AGAP1: variants seen among roughly 807,000 people sequenced by gnomAD.
AGAP1 encodes arf-GAP with GTPase, ANK repeat and PH domain-containing protein 1.
AGAP1 carries 29 observed loss-of-function variants against 105.3 expected under a neutral mutation model. That is an observed-to-expected ratio of 0.28 (90% CI 0.21 to 0.38). AGAP1 has a LOEUF of 0.38. Among genes scored for constraint, AGAP1 ranks in the 10% least tolerant of loss-of-function variants. AGAP1 has a pLI of 1.00. For missense variants in AGAP1, 998 were observed against 1,165.1 expected (o/e 0.86, Z 2.09); for synonymous variants, 509 against 485.9 (o/e 1.05, Z -0.63).
chr2:235,703,436 G>A (rs1198085702), intron 1 of AGAP1, among the ~76,000 whole-genome samples: 1 of 151,736 alleles, frequency 6.6e-6, no homozygotes, highest in African/African-American at 2.4e-5. Flanking sequence ...AAAGGTAATA[G>A]GAGAGCTTCC....
At chr2:235,759,230 G>A (rs1198188075) in intron 6 of AGAP1, among the ~76,000 whole-genome samples, 1 of 141,256 alleles carries the variant, frequency 7.1e-6, no homozygotes, top group Non-Finnish European at 1.5e-5. Context: ...CTGCAGTGGT[G>A]TGATCTCAGC....
intron 3 of AGAP1, among the ~76,000 whole-genome samples, chr2:235,722,255 T>C (rs1358037093): frequency 6.6e-6 from 1 of 152,102 alleles, no homozygotes; most frequent in East Asian, 1.9e-4. Context: ...AAAACAGAAA[T>C]GTATTCTCAC....
intron 13 of AGAP1, among the ~76,000 whole-genome samples, chr2:236,031,773 C>T (rs2057231557): frequency 6.6e-6 from 1 of 152,084 alleles, no homozygotes; most frequent in Non-Finnish European, 1.5e-5. Context: ...GGTGTCATCC[C>T]TCTTCCATCA....
rs1010611744 is a variant in AGAP1, at chr2:236,131,670, G to C, written c.*7548G>C. ...GCCAGTTTGTATTTTCCTGCCTTGG[G>C]ATTTTTTTGTGTCCGCTGTACAGTA... On this transcript the variant is annotated 3_prime_UTR_variant, in exon 18 of 18. Transcript: ENST00000304032. The surrounding 1 kb of genome is among the most constrained non-coding windows in gnomAD (Gnocchi z 5.9). 9 of 151,928 alleles carry C rather than the reference G, an allele frequency of 5.9e-5. No individual in the cohort carries two copies. The highest frequency in any genetic ancestry group is 1.9e-4 in the African/African-American group (8 of 41,348). 9.4% of individuals were successfully genotyped at this position (151,928 alleles called of 1,614,324 possible).
chr2:235,710,236 G>A (rs1394849964), intron 2 of AGAP1, among the ~76,000 whole-genome samples: 1 of 152,204 alleles, frequency 6.6e-6, no homozygotes, highest in Non-Finnish European at 1.5e-5. Flanking sequence ...CAAGGGCCAG[G>A]AGACAGGATC....
At chr2:235,950,066 G>A (rs1575859679) in intron 12 of AGAP1, among the ~76,000 whole-genome samples, 1 of 152,190 alleles carries the variant, frequency 6.6e-6, no homozygotes, top group South Asian at 2.1e-4. Flanking sequence ...GGCACAGAGA[G>A]TGAGGTGTTT....
chr2:236,131,431 AATAGCAGTGT>A lies in AGAP1; in HGVS notation c.*7314_*7323del. On this transcript the variant is annotated 3_prime_UTR_variant, in exon 18 of 18. Coordinates refer to ENST00000304032, the MANE Select transcript of AGAP1 (RefSeq NM_001037131.3). This position sits in a 1 kb window ranked among gnomAD's most constrained non-coding sequence, Gnocchi z 5.9. ...TTGCAGCCAGTTTTCTGTTTCTGTA[AATAGCAGTGT>A]ATAGAGATGGAAGGGCAGCGTGGGT... The A allele has an allele frequency of 6.6e-6, 1 of 152,258 alleles. No individual in the cohort carries two copies. Among genetic ancestry groups the A allele is most frequent in the Admixed American group, 6.5e-5 (1 of 15,302 alleles). The allele number at this position is 152,258 out of a possible 1,614,324, so 9.4% of individuals were successfully genotyped here.
Position 235,566,161 on chromosome 2 carries a change from G to A in AGAP1, c.163+71312G>A, listed in dbSNP as rs937003352. 6.6e-6 allele frequency among the ~76,000 whole-genome samples: 1 copy of A among 150,654 alleles called. No individual in the cohort carries two copies. Among genetic ancestry groups the A allele is most frequent in the South Asian group, 2.1e-4 (1 of 4,700 alleles). On this transcript the variant is annotated intron_variant, in intron 1 of 17. Coordinates refer to ENST00000304032, the MANE Select transcript of AGAP1 (RefSeq NM_001037131.3). The surrounding 1 kb of genome is among the most constrained non-coding windows in gnomAD (Gnocchi z 5.2). Reference sequence around the variant, plus strand: ...GGCTAGAGTGCAGTGGCGCAACCTCGGCTCACTGCAACCTCTGCCTCCCGG... The same window carrying A: ...GGCTAGAGTGCAGTGGCGCAACCTCAGCTCACTGCAACCTCTGCCTCCCGG...
At chr2:235,771,999 C>CCT (rs1955495829) in intron 6 of AGAP1, among the ~76,000 whole-genome samples, 1 of 135,106 alleles carries the variant, frequency 7.4e-6, no homozygotes. Context: ...CTTTTCTTAT[C>CCT]TTTTTTTTTT....
chr2:235,886,187 C>T (rs1216198084), intron 10 of AGAP1, among the ~76,000 whole-genome samples: 1 of 152,222 alleles, frequency 6.6e-6, no homozygotes, highest in African/African-American at 2.4e-5. Flanking sequence ...CTCCTATGGA[C>T]CCTGTCAGAG....
chr2:235,663,579 A>AG lies in AGAP1; in HGVS notation c.164-45597dup, dbSNP rs1218558242. ...TGTAATGGGGCTGGCAAAAATTCCCAGGGCATCGTTTGTGGCCTCAATGTG... is the reference window on the plus strand; with the variant it reads ...TGTAATGGGGCTGGCAAAAATTCCCAGGGGCATCGTTTGTGGCCTCAATGTG... On this transcript the variant is annotated intron_variant, in intron 1 of 17. Transcript: ENST00000304032. The surrounding 1 kb of genome is among the most constrained non-coding windows in gnomAD (Gnocchi z 5.4). Among the ~76,000 whole-genome samples the AG allele has an allele frequency of 1.3e-5, 2 of 152,168 alleles. No homozygotes were observed. Among genetic ancestry groups the AG allele is most frequent in the African/African-American group, 2.4e-5 (1 of 41,460 alleles).
At chr2:235,679,689 A>G (rs1948956422) in intron 1 of AGAP1, among the ~76,000 whole-genome samples, 2 of 152,138 alleles carry the variant, frequency 1.3e-5, no homozygotes, top group South Asian at 4.1e-4. Flanking sequence ...TCCCAACATC[A>G]CCTTTCCTAA....
rs1292158514 is a variant in AGAP1, at chr2:235,981,218, A to G, written c.1645+12595A>G. Among the ~76,000 whole-genome samples the G allele has an allele frequency of 6.6e-6, 1 of 152,220 alleles. No homozygotes were observed. The highest frequency in any genetic ancestry group is 1.9e-4 in the East Asian group (1 of 5,194). ...AGCTTATATGAGGGACGAGAGCCGTAGCATTGCTCCAGCAGGTATTTCAAT... is the reference window on the plus strand; with the variant it reads ...AGCTTATATGAGGGACGAGAGCCGTGGCATTGCTCCAGCAGGTATTTCAAT... On this transcript the variant is annotated intron_variant, in intron 13 of 17. Coordinates refer to ENST00000304032, the MANE Select transcript of AGAP1 (RefSeq NM_001037131.3). The surrounding 1 kb of genome is among the most constrained non-coding windows in gnomAD (Gnocchi z 5.5).
Position 235,877,526 on chromosome 2 carries a change from G to A in AGAP1, c.1051-5819G>A, listed in dbSNP as rs919900335. Among the ~76,000 whole-genome samples the A allele has an allele frequency of 1.1e-4, 16 of 152,048 alleles. 1 individual carries two copies. The highest frequency in any genetic ancestry group is 8.3e-4 in the South Asian group (4 of 4,792). ...GTGTACAGCATGCGGTGCCTTCCCC[G>A]GGGGTTAACTTGTTCTCAGAGTGAG... is the stretch of plus-strand genomic sequence containing the variant. On this transcript the variant is annotated intron_variant, in intron 9 of 17. Transcript: ENST00000304032. This position sits in a 1 kb window ranked among gnomAD's most constrained non-coding sequence, Gnocchi z 4.3.
intron 1 of AGAP1, among the ~76,000 whole-genome samples, chr2:235,675,558 T>C (rs761132141): frequency 8.5e-5 from 13 of 152,228 alleles, no homozygotes; most frequent in Non-Finnish European, 1.8e-4. Context: ...TCTTTTGTTA[T>C]TAGAATTGAT....
rs114114312 is a variant in AGAP1 at position 235,887,221 on chromosome 2, A to C, written c.1155+3772A>C. 0.011 allele frequency among the ~76,000 whole-genome samples: 1,684 copies of C among 152,278 alleles called. 27 individuals carry two copies. The highest frequency in any genetic ancestry group is 0.038 in the African/African-American group (1,575 of 41,548). On this transcript the variant is annotated intron_variant, in intron 10 of 17. Coordinates refer to ENST00000304032, the MANE Select transcript of AGAP1 (RefSeq NM_001037131.3). This position sits in a 1 kb window ranked among gnomAD's most constrained non-coding sequence, Gnocchi z 4.1. ...TACGGCAGAAGGACCACTGAGAGTC[A>C]TTGGCCACATGCAGTGGTGGCATAA...
chr2:235,794,052 C>T (rs1470067028), intron 6 of AGAP1, among the ~76,000 whole-genome samples: 1 of 151,876 alleles, frequency 6.6e-6, no homozygotes, highest in Non-Finnish European at 1.5e-5. Flanking sequence ...ATTTCTAGAC[C>T]CCAGAAACCC....
chr2:235,965,768 C>T lies in AGAP1; in HGVS notation c.1484-2694C>T, dbSNP rs1171870355. On this transcript the variant is annotated intron_variant, in intron 12 of 17. Coordinates refer to ENST00000304032, the MANE Select transcript of AGAP1 (RefSeq NM_001037131.3). The surrounding 1 kb of genome is among the most constrained non-coding windows in gnomAD (Gnocchi z 5.8). ...GGCTTCAAGGGTTAAGGAAATAACCCTTTAAGGAATAATGGGGTTTAGGAA... is the reference window on the plus strand; with the variant it reads ...GGCTTCAAGGGTTAAGGAAATAACCTTTTAAGGAATAATGGGGTTTAGGAA... Among the ~76,000 whole-genome samples the T allele has an allele frequency of 6.6e-6, 1 of 152,104 alleles. No individual in the cohort carries two copies. The highest frequency in any genetic ancestry group is 1.9e-4 in the East Asian group (1 of 5,168).
Position 236,038,904 on chromosome 2 carries a change from A to C in AGAP1, c.1801-1847A>C, listed in dbSNP as rs1177037183. ...TAAACTGTTTAAACATATTTTGAATACTTGGGTATCTAACCAAAGGGAATT... is the reference window on the plus strand; with the variant it reads ...TAAACTGTTTAAACATATTTTGAATCCTTGGGTATCTAACCAAAGGGAATT... On this transcript the variant is annotated intron_variant, in intron 14 of 17. Coordinates refer to ENST00000304032, the MANE Select transcript of AGAP1 (RefSeq NM_001037131.3). This position sits in a 1 kb window ranked among gnomAD's most constrained non-coding sequence, Gnocchi z 4.5. 6.6e-6 allele frequency among the ~76,000 whole-genome samples: 1 copy of C among 152,094 alleles called. No homozygotes were observed. The highest frequency in any genetic ancestry group is 2.4e-5 in the African/African-American group (1 of 41,402).
Sources: allele counts gnomAD v4.1 joint callset (sites outside exome capture counted in the v4.1 genomes callset), GRCh38; gene constraint gnomAD v4.1.1; non-coding constraint Gnocchi (gnomAD v3.1); transcripts MANE v1.5; gene names NCBI Gene and HGNC (gene_info 2026-07-23, HGNC 2026-07-21).